Variants in SH3RF3 observed in about 807,000 individuals in gnomAD.
SH3RF3 encodes the protein SH3 domain containing ring finger 3, also known as E3 ubiquitin-protein ligase SH3RF3.
Under a neutral mutation model 66.3 loss-of-function variants are expected in SH3RF3, and 29 were observed. That is an observed-to-expected ratio of 0.44 (90% CI 0.33 to 0.60). SH3RF3 has a LOEUF of 0.60. SH3RF3 is among the 20% of genes least tolerant of loss of function. The pLI, the probability that SH3RF3 is intolerant of heterozygous loss-of-function variation, is 0.04. For synonymous variants in SH3RF3, 583 were observed against 532.0 expected (o/e 1.10, Z -1.32); for missense variants, 1,194 against 1,190.9 (o/e 1.00, Z -0.04).
rs1243890271 is a variant in SH3RF3, at chr2:109,129,846, C to T, written c.306C>T (p.Gly102=). Residue 102 remains glycine, a synonymous_variant, in exon 1 of 10, where the codon GGC becomes GGT. Transcript: ENST00000309415. ...GCCCCGAGTGCCGCATCCTGGTGGG[C>T]TGCGGCGTGGACGAACTGCCCGCCA... ...LRCPECRILV[G]CGVDELPANI... The T allele has an allele frequency of 2.0e-6, 3 of 1,531,120 alleles. No homozygotes were observed. Among genetic ancestry groups the T allele is most frequent in the South Asian group, 2.4e-5 (2 of 82,782 alleles). The allele number at this position is 1,531,120 out of a possible 1,614,324, so 94.8% of individuals were successfully genotyped here. A position where few individuals can be genotyped will look rare whatever the true frequency, so the allele number is the denominator to read the frequency against.
chr2:109,149,405 T>C (rs1440764850), intron 1 of SH3RF3, among the ~76,000 whole-genome samples: 1 of 152,258 alleles, frequency 6.6e-6, no homozygotes, highest in East Asian at 1.9e-4. Context: ...GCTATTAATA[T>C]TCACATTGAC....
At chr2:109,348,549 G>T (rs1038177178) in intron 2 of SH3RF3, among the ~76,000 whole-genome samples, 1 of 152,202 alleles carries the variant, frequency 6.6e-6, no homozygotes, top group African/African-American at 2.4e-5. Flanking sequence ...GAAGAGACTG[G>T]TTCTGGCTGT....
At chr2:109,176,431 C>G (rs755130147) in intron 1 of SH3RF3, among the ~76,000 whole-genome samples, 1 of 152,178 alleles carries the variant, frequency 6.6e-6, no homozygotes, top group African/African-American at 2.4e-5. Flanking sequence ...CTCACAATTT[C>G]TTGATCAAAA....
Position 109,129,833 on chromosome 2 carries a change from G to C in SH3RF3, c.293G>C (p.Arg98Pro), listed in dbSNP as rs1212277244. 3 of 1,535,764 alleles carry C rather than the reference G, an allele frequency of 2.0e-6. No individual in the cohort carries two copies. The highest frequency in any genetic ancestry group is 1.4e-5 in the African/African-American group (1 of 72,296). Residue 98 changes from arginine to proline, a missense_variant, in exon 1 of 10, where the codon CGC (arginine) becomes CCC (proline). By Grantham distance (103) the Arg-to-Pro change is moderately radical. Transcript: ENST00000309415. ...CACGAGCTGCGCTGCCCCGAGTGCC[G>C]CATCCTGGTGGGCTGCGGCGTGGAC... is the stretch of plus-strand genomic sequence containing the variant. ...SRHELRCPECRILVGCGVDEL... is the reference protein window; with the variant it reads ...SRHELRCPECPILVGCGVDEL...
At chr2:109,428,914 G>A (rs1677114053) in intron 5 of SH3RF3, among the ~76,000 whole-genome samples, 2 of 152,184 alleles carry the variant, frequency 1.3e-5, no homozygotes. Flanking sequence ...GGTTCTCCCT[G>A]CCATGCCAGA....
intron 1 of SH3RF3, among the ~76,000 whole-genome samples, chr2:109,320,501 T>C (rs1681996735): frequency 6.6e-6 from 1 of 152,174 alleles, no homozygotes; most frequent in Non-Finnish European, 1.5e-5. Flanking sequence ...AGTTATACCC[T>C]TTCATGCTCA....
chr2:109,377,892 T>C (rs1683426316), intron 3 of SH3RF3, among the ~76,000 whole-genome samples: 1 of 152,200 alleles, frequency 6.6e-6, no homozygotes, highest in East Asian at 1.9e-4. Context: ...CTTGAGACGT[T>C]TGGTGGTGAC....
At chr2:109,293,585 A>C (rs1207046274) in intron 1 of SH3RF3, among the ~76,000 whole-genome samples, 1 of 152,226 alleles carries the variant, frequency 6.6e-6, no homozygotes, top group Non-Finnish European at 1.5e-5. Context: ...GCCCATGCCA[A>C]CCTGGGAAGC....
intron 1 of SH3RF3, among the ~76,000 whole-genome samples, chr2:109,221,239 A>G (rs1038881627): frequency 2.0e-5 from 3 of 152,182 alleles, no homozygotes; most frequent in Admixed American, 1.3e-4. Flanking sequence ...TTTCTTTTCA[A>G]TAACAGCCAT....
intron 1 of SH3RF3, among the ~76,000 whole-genome samples, chr2:109,338,888 T>C (rs1248867053): frequency 6.6e-6 from 1 of 151,130 alleles, no homozygotes; most frequent in Admixed American, 6.6e-5. Flanking sequence ...TCCTAAGAGC[T>C]TACTGTTGAC....
At chr2:109,181,482 AACAC>A (rs140426095) in intron 1 of SH3RF3, among the ~76,000 whole-genome samples, 1 of 151,640 alleles carries the variant, frequency 6.6e-6, no homozygotes, top group Admixed American at 6.6e-5. Context: ...CCACTGGTGT[AACAC>A]ACACACACAC....
At chr2:109,389,555 T>A (rs1675924283) in intron 3 of SH3RF3, among the ~76,000 whole-genome samples, 5 of 152,216 alleles carry the variant, frequency 3.3e-5, no homozygotes, top group African/African-American at 1.2e-4. Flanking sequence ...ATGGATCGTT[T>A]GAAAACCACT....
chr2:109,171,786 G>A lies in SH3RF3; in HGVS notation c.573+41673G>A, dbSNP rs113400806. 3.9e-5 allele frequency among the ~76,000 whole-genome samples: 6 copies of A among 152,368 alleles called. No homozygotes were observed. The South Asian group carries it at 6.2e-4, about 16-fold the overall frequency. On this transcript the variant is annotated intron_variant, in intron 1 of 9. Transcript: ENST00000309415. The stretch of plus-strand genomic sequence containing the variant: ...GCTCCCTGCCGTGCATCCCGGCCAC[G>A]CTCACTTGCAGCGGGGAGTGGCTGC...
chr2:109,265,871 A>G (rs984326698), intron 1 of SH3RF3, among the ~76,000 whole-genome samples: 2 of 152,186 alleles, frequency 1.3e-5, no homozygotes, highest in Non-Finnish European at 1.5e-5. Flanking sequence ...GAGCTGGGGC[A>G]TTGAGACCCT....
intron 1 of SH3RF3, among the ~76,000 whole-genome samples, chr2:109,288,242 A>G (rs537916861): frequency 1.3e-5 from 2 of 152,376 alleles, no homozygotes; most frequent in South Asian, 4.1e-4. Context: ...GAACAAAGAA[A>G]GTTAAAAACC....
At chr2:109,134,470 G>A (rs1463142859) in intron 1 of SH3RF3, among the ~76,000 whole-genome samples, 2 of 152,140 alleles carry the variant, frequency 1.3e-5, no homozygotes, top group East Asian at 1.9e-4. Context: ...TGCAGCCAGC[G>A]AGTGAATAAT....
rs1159216807 is a variant in SH3RF3, at chr2:109,189,924, G to T, written c.573+59811G>T. ...TTCTGCACTTGATTGCCTAATGGATGCCTCCATGAGGTTGGATGCAAACTC... is the reference window on the plus strand; with the variant it reads ...TTCTGCACTTGATTGCCTAATGGATTCCTCCATGAGGTTGGATGCAAACTC... On this transcript the variant is annotated intron_variant, in intron 1 of 9. Coordinates refer to ENST00000309415, the MANE Select transcript of SH3RF3 (RefSeq NM_001099289.3). Among the ~76,000 whole-genome samples, 10 of 152,166 alleles carry T rather than the reference G, an allele frequency of 6.6e-5. No homozygotes were observed. The South Asian group carries it at 1.9e-3, about 28-fold the overall frequency.
chr2:109,306,562 T>C (rs940125431), intron 1 of SH3RF3, among the ~76,000 whole-genome samples: 6 of 152,184 alleles, frequency 3.9e-5, no homozygotes, highest in South Asian at 2.1e-4. Flanking sequence ...GACCGTACAG[T>C]GGCTGGTGGT....
intron 1 of SH3RF3, among the ~76,000 whole-genome samples, chr2:109,202,183 CCTT>C (rs1242776458): frequency 6.6e-6 from 1 of 152,174 alleles, no homozygotes; most frequent in Admixed American, 6.5e-5. Flanking sequence ...AGAAAACAAC[CCTT>C]CTCTTCCCTC....
Sources: allele counts gnomAD v4.1 joint callset (sites outside exome capture counted in the v4.1 genomes callset), GRCh38; gene constraint gnomAD v4.1.1; transcripts MANE v1.5; gene names NCBI Gene and HGNC (gene_info 2026-07-23, HGNC 2026-07-21).